The following KAZN variants were observed in gnomAD, a reference collection of about 807,000 sequenced individuals.
The protein encoded by KAZN is kazrin.
A neutral mutation model predicts 87.4 loss-of-function variants in KAZN; 40 were observed. The observed-to-expected ratio is 0.46, with a 90% CI of 0.36 to 0.60. The LOEUF (loss-of-function observed/expected upper bound fraction) is 0.60, where lower values mean the gene tolerates loss of function less well. Among genes scored for constraint, KAZN ranks in the 20% least tolerant of loss-of-function variants. The pLI is 0.00. For missense variants in KAZN, 898 were observed against 1,073.9 expected, an observed-to-expected ratio of 0.84 and a Z score of 2.29; for synonymous variants, 466 against 458.3, an observed-to-expected ratio of 1.02 and a Z score of -0.22.
intron 2 of KAZN, among the ~76,000 whole-genome samples, chr1:14,386,441 G>A (rs1160184746): frequency 6.6e-6 from 1 of 151,984 alleles, no homozygotes; most frequent in African/African-American, 2.4e-5. Flanking sequence ...TGATTTTGCA[G>A]TGGCTGGTAC....
chr1:14,207,774 T>C (rs979571725), intron 2 of KAZN, among the ~76,000 whole-genome samples: 1 of 152,050 alleles, frequency 6.6e-6, no homozygotes, highest in South Asian at 2.1e-4. Context: ...GAAAAAAACA[T>C]CTTAGGACTT....
chr1:14,113,706 T>C (rs1438266360), intron 1 of KAZN, among the ~76,000 whole-genome samples: 1 of 152,236 alleles, frequency 6.6e-6, no homozygotes, highest in Non-Finnish European at 1.5e-5. Flanking sequence ...ACCACGGTGC[T>C]GGGGTGTCTG....
At chr1:14,758,157 C>CCCTT (rs60446083) in intron 1 of KAZN, among the ~76,000 whole-genome samples, 82,118 of 148,838 alleles carry the variant, frequency 0.55, 23,569 homozygotes, top group African/African-American at 0.67. Context: ...CTCCCTTCCT[C>CCCTT]CCTCCCTCCC....
In KAZN at chr1:14,836,372, C is replaced by T. The variant is rs947599104; in HGVS notation, c.227-124312C>T. ...CTGACAGACTGGGGAGTGGGTGGGA[C>T]GAGCTCCAGCCTCCTCCCTCACTGC... On this transcript the variant is annotated intron_variant, in intron 1 of 14. Transcript: ENST00000376030. Among the ~76,000 whole-genome samples the T allele has an allele frequency of 5.3e-5, 8 of 152,284 alleles. No individual in the cohort carries two copies. In the East Asian group the frequency reaches 7.7e-4, roughly 15 times the overall value.
chr1:14,628,384 C>G (rs1022929614), intron 1 of KAZN, among the ~76,000 whole-genome samples: 1 of 152,106 alleles, frequency 6.6e-6, no homozygotes, highest in Non-Finnish European at 1.5e-5. Context: ...GTAAATTAGG[C>G]CTTGTTTAAA....
intron 1 of KAZN, among the ~76,000 whole-genome samples, chr1:14,873,337 C>T (rs1255338043): frequency 1.3e-5 from 2 of 152,192 alleles, no homozygotes; most frequent in Non-Finnish European, 2.9e-5. Context: ...AAACAAATAG[C>T]ATAAAGAATT....
chr1:13,904,585 G>A (rs2100848267), intron 1 of KAZN, among the ~76,000 whole-genome samples: 1 of 152,306 alleles, frequency 6.6e-6, no homozygotes, highest in African/African-American at 2.4e-5. Context: ...CAACATTTTG[G>A]AAAGGATGTT....
At chr1:14,584,530 T>A (rs770916444) in intron 2 of KAZN, among the ~76,000 whole-genome samples, 5 of 152,236 alleles carry the variant, frequency 3.3e-5, no homozygotes, top group Non-Finnish European at 7.3e-5. Context: ...TCTAAACCAG[T>A]GCTTGCCAAG....
At chr1:15,043,904 G>T in intron 3 of KAZN, 85 bp from the exon 4 acceptor site, 1 of 1,352,970 alleles carries the variant, frequency 7.4e-7, no homozygotes, top group Admixed American at 2.5e-5. Flanking sequence ...TTTCCATCTA[G>T]GAGTTAGGCC....
chr1:14,823,971 G>T (rs945764627), intron 1 of KAZN, among the ~76,000 whole-genome samples: 3 of 152,006 alleles, frequency 2.0e-5, no homozygotes, highest in Non-Finnish European at 4.4e-5. Flanking sequence ...AAAATTAGCC[G>T]GGCATGCTGG....
intron 2 of KAZN, among the ~76,000 whole-genome samples, chr1:14,215,911 T>C (rs1437180095): frequency 6.6e-6 from 1 of 152,212 alleles, no homozygotes; most frequent in Admixed American, 6.5e-5. Context: ...ATAATGTCTT[T>C]AATTATATTT....
intron 2 of KAZN, among the ~76,000 whole-genome samples, chr1:14,266,409 T>C (rs2100666737): frequency 6.6e-6 from 1 of 152,330 alleles, no homozygotes; most frequent in South Asian, 2.1e-4. Context: ...ACATTGATGA[T>C]GTATATGGAA....
intron 1 of KAZN, among the ~76,000 whole-genome samples, chr1:14,857,120 C>T (rs1222767041): frequency 6.6e-6 from 1 of 151,822 alleles, no homozygotes; most frequent in Non-Finnish European, 1.5e-5. Context: ...TGTGTGACCT[C>T]GCACAAGGCG....
chr1:14,141,281 AAT>A (rs1645232378), intron 1 of KAZN, among the ~76,000 whole-genome samples: 1 of 151,380 alleles, frequency 6.6e-6, no homozygotes, highest in African/African-American at 2.4e-5. Flanking sequence ...GCTTGGAGAA[AAT>A]GACATGCTTG....
chr1:14,280,619 A>G (rs1196234063), intron 2 of KAZN, among the ~76,000 whole-genome samples: 1 of 152,102 alleles, frequency 6.6e-6, no homozygotes, highest in African/African-American at 2.4e-5. Flanking sequence ...CAGGATGGAA[A>G]CAACTTGTGT....
At chr1:13,923,695 G>A (rs1640160189) in intron 1 of KAZN, among the ~76,000 whole-genome samples, 1 of 152,086 alleles carries the variant, frequency 6.6e-6, no homozygotes, top group Middle Eastern at 3.4e-3. Context: ...AGGAGGGGTT[G>A]GTCTCGCTGT....
At chr1:14,214,744 A>G (rs1486852005) in intron 2 of KAZN, among the ~76,000 whole-genome samples, 3 of 152,212 alleles carry the variant, frequency 2.0e-5, no homozygotes, top group Non-Finnish European at 4.4e-5. Flanking sequence ...TTACCAAGAG[A>G]ATGAAGACTG....
intron 2 of KAZN, among the ~76,000 whole-genome samples, chr1:14,377,671 A>G (rs571396123): frequency 6.6e-6 from 1 of 152,328 alleles, no homozygotes; most frequent in East Asian, 1.9e-4. Flanking sequence ...ATGTCTGTTT[A>G]GGGCATGCAA....
rs12046488 is a variant in KAZN, at chr1:15,054,473, G to C, written c.727-1618G>C. On this transcript the variant is annotated intron_variant, in intron 4 of 14. Transcript: ENST00000376030. ...GAGACCAGCCTGGCCAACATAGTGC[G>C]ACCCTGTCTCTACCAAAAATACAAA... is the stretch of plus-strand genomic sequence containing the variant. 4.3e-3 allele frequency among the ~76,000 whole-genome samples: 653 copies of C among 151,968 alleles called. 3 individuals carry two copies. The highest frequency in any genetic ancestry group is 0.043 in the South Asian group (205 of 4,802).
Sources: gnomAD v4.1 joint callset for allele counts (sites outside exome capture counted in the v4.1 genomes callset) on GRCh38, gnomAD v4.1.1 for gene constraint, MANE v1.5 for transcripts, NCBI Gene and HGNC (gene_info 2026-07-23, HGNC 2026-07-21) for gene names.